TGM4: variants seen among roughly 807,000 people sequenced by gnomAD.
TGM4 encodes transglutaminase 4.
In TGM4, 61 loss-of-function variants were observed where a neutral mutation model predicts 76.3. The ratio of observed to expected loss-of-function variants is 0.80; its 90% confidence interval spans 0.65 to 0.99. TGM4 has a LOEUF of 0.99. Ranked by LOEUF, TGM4 falls within the 50% of genes least tolerant of loss-of-function variation. The pLI, the probability that TGM4 is intolerant of heterozygous loss-of-function variation, is 0.00. For synonymous variants in TGM4, 337 were observed against 329.8 expected, an observed-to-expected ratio of 1.02 and a Z score of -0.24; for missense variants, 794 against 843.2, an observed-to-expected ratio of 0.94 and a Z score of 0.72.
rs879789575 is a variant in TGM4 at position 44,901,134 on chromosome 3, G to T, written c.658-390G>T. ...GTGCGCCTGTAGTCCCAATTACCTG[G>T]GTGGCTGAGGTGGGAGGATCACCTG... On this transcript the variant is annotated intron_variant, in intron 6 of 13. Transcript: ENST00000296125. Among the ~76,000 whole-genome samples the T allele has an allele frequency of 5.1e-4, 78 of 152,126 alleles. 2 individuals are homozygous for T. Among genetic ancestry groups the T allele is most frequent in the Non-Finnish European group, 2.1e-4 (14 of 68,018 alleles).
In TGM4 at chr3:44,911,373, T is replaced by C. The variant is rs1559622092; in HGVS notation, c.1880T>C (p.Leu627Pro). Residue 627 changes from leucine (L) to proline (P), a missense_variant, in exon 13 of 14, where the codon CTG (leucine) becomes CCG (proline). Transcript: ENST00000296125. ...GACGTCAAGTTCTCTTTGGAAAGCC[T>C]GGGCATCTCCTCACTACAGACCTCT... ...LTDVKFSLES[L>P]GISSLQTSDH... 5 of 1,614,260 alleles carry C rather than the reference T, an allele frequency of 3.1e-6. No homozygotes were observed. Among genetic ancestry groups the C allele is most frequent in the Non-Finnish European group, 4.2e-6 (5 of 1,180,050 alleles).
chr3:44,876,832 G>A (rs1177719967), intron 1 of TGM4, among the ~76,000 whole-genome samples: 1 of 152,188 alleles, frequency 6.6e-6, no homozygotes, highest in African/African-American at 2.4e-5. Context: ...ACACATATGA[G>A]AAGCAAATGC....
intron 1 of TGM4, among the ~76,000 whole-genome samples, chr3:44,879,190 A>T: frequency 7.6e-6 from 1 of 131,454 alleles, no homozygotes; most frequent in African/African-American, 2.9e-5. Flanking sequence ...CATCATTCTG[A>T]TTTATTCTCT....
rs779931302 is a variant in TGM4, at chr3:44,874,642, G to C, written c.-37G>C. 4.3e-6 allele frequency: 7 copies of C among 1,614,074 alleles called. No homozygotes were observed. Among genetic ancestry groups the C allele is most frequent in the Non-Finnish European group, 5.9e-6 (7 of 1,179,920 alleles). On this transcript the variant is annotated 5_prime_UTR_variant, in exon 1 of 14. Coordinates refer to ENST00000296125, the MANE Select transcript of TGM4 (RefSeq NM_003241.4). ...GTGGAAGCACCAGGCATCAGAGATAGAGTCTTCCCTGGCATTGCAGGAGAG... is the reference window on the plus strand; with the variant it reads ...GTGGAAGCACCAGGCATCAGAGATACAGTCTTCCCTGGCATTGCAGGAGAG...
intron 5 of TGM4, 152 bp from the exon 6 acceptor site, chr3:44,896,557 T>C: frequency 1.6e-6 from 1 of 638,390 alleles, no homozygotes; most frequent in East Asian, 2.7e-5. Context: ...GTTTCTAATT[T>C]TCAGTGCTGT....
At position 44,911,408 on chromosome 3, in the gene TGM4, TGA is replaced by T. The variant is rs963027934; in HGVS notation, c.1913+4_1913+5del. ...CTCACTACAGACCTCTGACCATGGG[TGA>T]GTCTGCCTGAGGTATTCTTAGAAAT... On this transcript the variant is annotated splice_donor_region_variant and intron_variant, in intron 13 of 13. Coordinates refer to ENST00000296125, the MANE Select transcript of TGM4 (RefSeq NM_003241.4). 7 of 1,613,806 alleles carry T rather than the reference TGA, an allele frequency of 4.3e-6. No individual in the cohort carries two copies. Among genetic ancestry groups the T allele is most frequent in the Admixed American group, 3.3e-5 (2 of 60,004 alleles).
intron 6 of TGM4, among the ~76,000 whole-genome samples, chr3:44,897,113 C>T (rs1199150065): frequency 1.3e-5 from 2 of 149,672 alleles, no homozygotes; most frequent in African/African-American, 4.9e-5. Flanking sequence ...TTAAGCAATT[C>T]TCTGCCTCAG....
In TGM4 at chr3:44,886,835, A is replaced by T. The variant is rs138464575; in HGVS notation, c.194-854A>T. ...AAACAAAAGTGCAAGATAATTTCAG[A>T]CAGGGCCAGATATGATGAAGAAACC... On this transcript the variant is annotated intron_variant, in intron 2 of 13. Coordinates refer to ENST00000296125, the MANE Select transcript of TGM4 (RefSeq NM_003241.4). 3.4e-3 allele frequency among the ~76,000 whole-genome samples: 515 copies of T among 152,346 alleles called. 4 individuals are homozygous for T. Among genetic ancestry groups the T allele is most frequent in the African/African-American group, 0.012 (505 of 41,580 alleles).
chr3:44,879,265 C>CTCTCTCTATATA (rs1482970491), intron 1 of TGM4, among the ~76,000 whole-genome samples: 7 of 92,274 alleles, frequency 7.6e-5, no homozygotes, highest in Admixed American at 5.0e-4. Flanking sequence ...CTCTCTCTCT[C>CTCTCTCTATATA]TATATATATA....
chr3:44,895,016 C>T (rs1699761096), intron 5 of TGM4, among the ~76,000 whole-genome samples: 1 of 152,156 alleles, frequency 6.6e-6, no homozygotes, highest in East Asian at 1.9e-4. Context: ...AAGGGGTGGG[C>T]CGGGCACGGT....
chr3:44,874,738 C>A, intron 1 of TGM4, 41 bp downstream of exon 1: 3 of 1,613,848 alleles, frequency 1.9e-6, no homozygotes, highest in Non-Finnish European at 2.5e-6. Flanking sequence ...CATGCCCCTT[C>A]AGCCAGCTGG....
chr3:44,888,735 A>G (rs1336173969), intron 3 of TGM4: 2 of 152,150 alleles, frequency 1.3e-5, no homozygotes, highest in African/African-American at 4.8e-5. Context: ...TTTACATATG[A>G]ATACAGCTGT....
chr3:44,890,318 A>C, intron 3 of TGM4: 1 of 311,312 alleles, frequency 3.2e-6, no homozygotes, highest in Non-Finnish European at 6.0e-6. Flanking sequence ...TGGTGAAGCA[A>C]GTGGTGAAGG....
At chr3:44,884,504 G>T (rs1699573328) in intron 1 of TGM4, among the ~76,000 whole-genome samples, 1 of 151,844 alleles carries the variant, frequency 6.6e-6, no homozygotes, top group South Asian at 2.1e-4. Context: ...TTTTTGGGGG[G>T]GATGGAGTCT....
intron 9 of TGM4, among the ~76,000 whole-genome samples, chr3:44,904,259 T>C (rs890543162): frequency 2.0e-5 from 3 of 152,198 alleles, no homozygotes; most frequent in African/African-American, 7.2e-5. Context: ...CCATGCGCAG[T>C]ACCTACATGA....
intron 1 of TGM4, among the ~76,000 whole-genome samples, chr3:44,878,134 G>A (rs995753364): frequency 2.0e-5 from 3 of 151,662 alleles, no homozygotes; most frequent in Admixed American, 6.6e-5. Context: ...CTGGGAAACA[G>A]AATGAGACTC....
At position 44,911,366 on chromosome 3, in the gene TGM4, G is replaced by A. The variant is rs1700003379; in HGVS notation, c.1873G>A (p.Glu625Lys). Residue 625 changes from glutamate (E) to lysine (K), a missense_variant, in exon 13 of 14, where the codon GAA (glutamate) becomes AAA (lysine). Coordinates refer to ENST00000296125, the MANE Select transcript of TGM4 (RefSeq NM_003241.4). ...IPLTDVKFSL[E>K]SLGISSLQTS... The stretch of plus-strand genomic sequence containing the variant: ...TTTGACTGACGTCAAGTTCTCTTTG[G>A]AAAGCCTGGGCATCTCCTCACTACA... The A allele has an allele frequency of 1.9e-6, 3 of 1,614,222 alleles. No homozygotes were observed. The highest frequency in any genetic ancestry group is 1.7e-5 in the Admixed American group (1 of 60,028).
intron 13 of TGM4, among the ~76,000 whole-genome samples, chr3:44,912,756 C>T (rs1268987795): frequency 1.3e-5 from 2 of 152,014 alleles, no homozygotes; most frequent in Non-Finnish European, 2.9e-5. Flanking sequence ...TTTTTTATCA[C>T]CTTTAGAAAA....
chr3:44,883,911 T>C (rs1042106013), intron 1 of TGM4, among the ~76,000 whole-genome samples: 4 of 152,226 alleles, frequency 2.6e-5, no homozygotes, highest in Admixed American at 2.0e-4. Context: ...ATGGGTTTCC[T>C]CTGTGGGTGA....
Sources: gnomAD v4.1 joint callset for allele counts (sites outside exome capture counted in the v4.1 genomes callset) on GRCh38, gnomAD v4.1.1 for gene constraint, MANE v1.5 for transcripts, NCBI Gene and HGNC (gene_info 2026-07-23, HGNC 2026-07-21) for gene names.